Variants in ZNF804A observed in about 807,000 individuals in gnomAD.
ZNF804A encodes zinc finger protein 804A.
In ZNF804A, 2 loss-of-function variants were observed where a neutral mutation model predicts 16.5. The ratio of observed to expected loss-of-function variants is 0.12; its 90% confidence interval spans 0.05 to 0.38. ZNF804A has a LOEUF of 0.38. Among genes scored for constraint, ZNF804A ranks in the 10% least tolerant of loss-of-function variants. The pLI, the probability that ZNF804A is intolerant of heterozygous loss-of-function variation, is 0.99. For missense variants in ZNF804A, 1,473 were observed against 1,390.7 expected, an observed-to-expected ratio of 1.06 and a Z score of -0.94; for synonymous variants, 534 against 489.6, an observed-to-expected ratio of 1.09 and a Z score of -1.20.
At chr2:184,731,251 CAAAAAAAAAA>C (rs563068533) in intron 1 of ZNF804A, among the ~76,000 whole-genome samples, 14 of 45,310 alleles carry the variant, frequency 3.1e-4, no homozygotes, top group South Asian at 1.5e-3. Flanking sequence ...GGCTCCGTCG[CAAAAAAAAAA>C]AAAAAAAAAA....
At chr2:184,698,446 AT>A (rs2105729756) in intron 1 of ZNF804A, among the ~76,000 whole-genome samples, 2 of 152,252 alleles carry the variant, frequency 1.3e-5, no homozygotes, top group East Asian at 3.9e-4. Flanking sequence ...CAGCTGGAAC[AT>A]AAAGGCTCTT....
At chr2:184,626,420 C>T (rs74407375) in intron 1 of ZNF804A, among the ~76,000 whole-genome samples, 2,690 of 152,170 alleles carry the variant, frequency 0.018, 58 homozygotes, top group African/African-American at 0.061. Context: ...ATTTTGTATG[C>T]TTACTACTTG....
At chr2:184,620,263 A>G (rs1691396080) in intron 1 of ZNF804A, among the ~76,000 whole-genome samples, 1 of 151,710 alleles carries the variant, frequency 6.6e-6, no homozygotes, top group Admixed American at 6.6e-5. Context: ...ATGCAAATCA[A>G]AAGAAACAAA....
chr2:184,598,625 C>A lies in ZNF804A; in HGVS notation c.-335C>A, dbSNP rs1016757756. ...CCCGCAGCCCCGCTCCGCCCGGCCA[C>A]CGCGCGGGCACTGACTCCCGCTCGG... On this transcript the variant is annotated 5_prime_UTR_variant, in exon 1 of 4. Transcript: ENST00000302277. The A allele has an allele frequency of 5.6e-6, 1 of 177,702 alleles. No homozygotes were observed. Among genetic ancestry groups the A allele is most frequent in the African/African-American group, 2.4e-5 (1 of 42,358 alleles). The allele number at this position is 177,702 out of a possible 1,614,324, so 11.0% of individuals were successfully genotyped here.
chr2:184,900,776 G>A (rs1424638185), intron 2 of ZNF804A, among the ~76,000 whole-genome samples: 1 of 152,078 alleles, frequency 6.6e-6, no homozygotes, highest in African/African-American at 2.4e-5. Flanking sequence ...AAGAAGAGTG[G>A]ATTAGAAAAG....
chr2:184,909,778 A>T (rs909147856), intron 2 of ZNF804A, among the ~76,000 whole-genome samples: 3 of 151,992 alleles, frequency 2.0e-5, no homozygotes, highest in Non-Finnish European at 2.9e-5. Context: ...GATATTTAAT[A>T]AGAAGACAAC....
At position 184,654,174 on chromosome 2, in the gene ZNF804A, A is replaced by G. The variant is rs894117434; in HGVS notation, c.111+55104A>G. 9.2e-5 allele frequency among the ~76,000 whole-genome samples: 14 copies of G among 152,260 alleles called. 1 individual carries two copies. Among genetic ancestry groups the G allele is most frequent in the African/African-American group, 2.4e-4 (10 of 41,474 alleles). ...ACAGCCTATATCTTCAGCTTTTGCT[A>G]TAGCCCGGTTCTGATGCCATCATTT... On this transcript the variant is annotated intron_variant, in intron 1 of 3. Transcript: ENST00000302277.
intron 1 of ZNF804A, among the ~76,000 whole-genome samples, chr2:184,633,190 G>A (rs973015515): frequency 6.6e-6 from 1 of 152,126 alleles, no homozygotes; most frequent in African/African-American, 2.4e-5. Context: ...TAGCTTTTAA[G>A]CTATCAATTC....
chr2:184,735,426 A>C (rs1693591606), intron 1 of ZNF804A, among the ~76,000 whole-genome samples: 1 of 152,058 alleles, frequency 6.6e-6, no homozygotes, highest in South Asian at 2.1e-4. Context: ...GGAACATCAC[A>C]CACCGGGGCC....
chr2:184,894,834 C>T (rs533408900), intron 2 of ZNF804A, among the ~76,000 whole-genome samples: 1 of 152,008 alleles, frequency 6.6e-6, no homozygotes, highest in African/African-American at 2.4e-5. Context: ...TGCAGGTGCC[C>T]GACACCGCGC....
intron 1 of ZNF804A, among the ~76,000 whole-genome samples, chr2:184,674,434 TA>T (rs1045123560): frequency 1.3e-5 from 2 of 151,808 alleles, no homozygotes; most frequent in African/African-American, 4.8e-5. Context: ...AAATCACAAA[TA>T]AAAAAGAGAA....
At chr2:184,681,981 A>C (rs1325677123) in intron 1 of ZNF804A, among the ~76,000 whole-genome samples, 1 of 152,192 alleles carries the variant, frequency 6.6e-6, no homozygotes, top group Non-Finnish European at 1.5e-5. Context: ...TGACCCAGAC[A>C]CATGTGTGCA....
chr2:184,651,877 T>C lies in ZNF804A; in HGVS notation c.111+52807T>C, dbSNP rs1242756023. 2.6e-5 allele frequency among the ~76,000 whole-genome samples: 4 copies of C among 152,122 alleles called. No individual in the cohort carries two copies. The South Asian group carries it at 8.3e-4, about 32-fold the overall frequency. On this transcript the variant is annotated intron_variant, in intron 1 of 3. Transcript: ENST00000302277. ...TTATTTCAGCTTCTGTAGAAAGCAG[T>C]TTAGAGGTTTCTCACAGAAGTTATA... is the stretch of plus-strand genomic sequence containing the variant.
At chr2:184,823,265 G>A (rs1574228836) in intron 1 of ZNF804A, among the ~76,000 whole-genome samples, 1 of 151,958 alleles carries the variant, frequency 6.6e-6, no homozygotes, top group Non-Finnish European at 1.5e-5. Flanking sequence ...ATTTTATAAG[G>A]TCATTAATCC....
intron 2 of ZNF804A, among the ~76,000 whole-genome samples, chr2:184,900,283 G>A (rs1038508151): frequency 6.6e-6 from 1 of 151,964 alleles, no homozygotes; most frequent in Non-Finnish European, 1.5e-5. Flanking sequence ...TCACATTATG[G>A]GATATATTTA....
chr2:184,787,424 A>G (rs1694465598), intron 1 of ZNF804A, among the ~76,000 whole-genome samples: 1 of 151,552 alleles, frequency 6.6e-6, no homozygotes, highest in South Asian at 2.1e-4. Flanking sequence ...TGTTTGAGAT[A>G]CCTCCATATT....
At position 184,598,619 on chromosome 2, in the gene ZNF804A, C is replaced by A. The variant is rs576807645; in HGVS notation, c.-341C>A. On this transcript the variant is annotated 5_prime_UTR_variant, in exon 1 of 4. Coordinates refer to ENST00000302277, the MANE Select transcript of ZNF804A (RefSeq NM_194250.2). ...GCGGCTCCCGCAGCCCCGCTCCGCC[C>A]GGCCACCGCGCGGGCACTGACTCCC... is the stretch of plus-strand genomic sequence containing the variant. 10 of 174,278 alleles carry A rather than the reference C, an allele frequency of 5.7e-5. No homozygotes were observed. In the South Asian group the frequency reaches 2.0e-3, roughly 34 times the overall value. The allele number at this position is 174,278 out of a possible 1,614,324, so 10.8% of individuals were successfully genotyped here.
chr2:184,679,580 A>C (rs1432138353), intron 1 of ZNF804A, among the ~76,000 whole-genome samples: 1 of 152,120 alleles, frequency 6.6e-6, no homozygotes, highest in Non-Finnish European at 1.5e-5. Flanking sequence ...TGCTCTCGCT[A>C]TCTGTCCTCT....
chr2:184,895,988 G>T (rs1043392940), intron 2 of ZNF804A, among the ~76,000 whole-genome samples: 2 of 152,062 alleles, frequency 1.3e-5, no homozygotes, highest in African/African-American at 4.8e-5. Flanking sequence ...AACACATTGT[G>T]TTATTCATAC....
Sources: gnomAD v4.1 joint callset for allele counts (sites outside exome capture counted in the v4.1 genomes callset) on GRCh38, gnomAD v4.1.1 for gene constraint, MANE v1.5 for transcripts, NCBI Gene and HGNC (gene_info 2026-07-23, HGNC 2026-07-21) for gene names.